SESTD1: variants seen among roughly 807,000 people sequenced by gnomAD.
SESTD1 encodes SEC14 domain and spectrin repeat-containing protein 1.
SESTD1 carries 43 observed loss-of-function variants against 101.7 expected under a neutral mutation model. That is an observed-to-expected ratio of 0.42 (90% CI 0.33 to 0.55). The LOEUF (loss-of-function observed/expected upper bound fraction) is 0.55. SESTD1 is among the 20% of genes least tolerant of loss of function. SESTD1 has a pLI of 0.07. For synonymous variants in SESTD1, 283 were observed against 286.8 expected, an observed-to-expected ratio of 0.99 and a Z score of 0.13; for missense variants, 647 against 815.1, an observed-to-expected ratio of 0.79 and a Z score of 2.51.
chr2:179,124,415 A>G lies in SESTD1; in HGVS notation c.1116T>C (p.Phe372=), dbSNP rs758971747. 6 of 1,613,998 alleles carry G rather than the reference A, an allele frequency of 3.7e-6. No homozygotes were observed. Among genetic ancestry groups the G allele is most frequent in the East Asian group, 4.5e-5 (2 of 44,880 alleles). The part of the protein sequence containing the change: ...VCYRQASQLE[F]RQNLLQAALE... The stretch of plus-strand genomic sequence containing the variant: ...GAGCTGCTTGTAAGAGATTTTGCCT[A>G]AATTCCAGCTGACTGGCCTGTCGAT... The change falls in exon 11 of 18, where the codon TTT becomes TTC. Residue 372 remains phenylalanine (F), a synonymous_variant. Coordinates refer to ENST00000428443, the MANE Select transcript of SESTD1 (RefSeq NM_178123.5).
intron 1 of SESTD1, among the ~76,000 whole-genome samples, chr2:179,251,416 T>C (rs1380470885): frequency 1.3e-5 from 2 of 152,164 alleles, no homozygotes; most frequent in African/African-American, 2.4e-5. Flanking sequence ...AATGGTCACA[T>C]AGGGGTGGAT....
At chr2:179,242,531 A>G (rs2047169899) in intron 1 of SESTD1, among the ~76,000 whole-genome samples, 1 of 152,246 alleles carries the variant, frequency 6.6e-6, no homozygotes, top group Non-Finnish European at 1.5e-5. Context: ...AAAAGAACAA[A>G]GCCAGAGGTA....
chr2:179,205,197 CTT>C (rs562590131), intron 1 of SESTD1, among the ~76,000 whole-genome samples: 30 of 114,874 alleles, frequency 2.6e-4, no homozygotes, highest in Non-Finnish European at 2.9e-4. Context: ...ACACTTAAGG[CTT>C]TTTTTTTTTT....
At chr2:179,259,434 T>G (rs2047448902) in intron 1 of SESTD1, among the ~76,000 whole-genome samples, 1 of 152,168 alleles carries the variant, frequency 6.6e-6, no homozygotes, top group African/African-American at 2.4e-5. Flanking sequence ...TTCACCATCT[T>G]GGCCAGGCTG....
intron 1 of SESTD1, among the ~76,000 whole-genome samples, chr2:179,223,667 T>C (rs577897925): frequency 6.6e-6 from 1 of 152,290 alleles, no homozygotes; most frequent in South Asian, 2.1e-4. Context: ...AAACTTCACT[T>C]TGGCAAAGAC....
chr2:179,236,519 A>G (rs1574057546), intron 1 of SESTD1, among the ~76,000 whole-genome samples: 1 of 152,008 alleles, frequency 6.6e-6, no homozygotes, highest in Admixed American at 6.6e-5. Context: ...TTTTTAAATT[A>G]TATGTACATA....
At chr2:179,157,611 C>T (rs2045656299) in intron 5 of SESTD1, among the ~76,000 whole-genome samples, 1 of 152,058 alleles carries the variant, frequency 6.6e-6, no homozygotes, top group Non-Finnish European at 1.5e-5. Flanking sequence ...TTCCATTGGT[C>T]TATGTGACTA....
intron 1 of SESTD1, among the ~76,000 whole-genome samples, chr2:179,214,785 T>A (rs1199981603): frequency 7.4e-6 from 1 of 135,150 alleles, no homozygotes; most frequent in East Asian, 2.0e-4. Flanking sequence ...CACAACAAAC[T>A]GTCTCTCAGA....
At chr2:179,120,369 T>A (rs918902118) in intron 13 of SESTD1, among the ~76,000 whole-genome samples, 5 of 152,200 alleles carry the variant, frequency 3.3e-5, no homozygotes, top group East Asian at 1.9e-4. Flanking sequence ...GAATTATGGG[T>A]CTACAGCACG....
intron 1 of SESTD1, among the ~76,000 whole-genome samples, chr2:179,198,063 C>G (rs1331245683): frequency 6.6e-6 from 1 of 151,984 alleles, no homozygotes; most frequent in Non-Finnish European, 1.5e-5. Flanking sequence ...TTCAGGAAAC[C>G]CACCTCACAT....
At chr2:179,141,498 T>C (rs999607879) in intron 9 of SESTD1, among the ~76,000 whole-genome samples, 7 of 150,670 alleles carry the variant, frequency 4.6e-5, no homozygotes, top group African/African-American at 1.7e-4. Context: ...TGTCATACTA[T>C]TGTAGACATT....
intron 2 of SESTD1, among the ~76,000 whole-genome samples, chr2:179,186,201 A>G (rs1459527546): frequency 6.6e-6 from 1 of 151,934 alleles, no homozygotes; most frequent in East Asian, 1.9e-4. Flanking sequence ...AGAAAGCAAG[A>G]TAATGCAGTC....
chr2:179,184,912 T>TA (rs2046184475), intron 2 of SESTD1, among the ~76,000 whole-genome samples: 1 of 152,020 alleles, frequency 6.6e-6, no homozygotes, highest in Non-Finnish European at 1.5e-5. Context: ...ATCACCAGTG[T>TA]AAAAGTACCA....
chr2:179,184,638 T>C (rs1322238428), intron 2 of SESTD1, among the ~76,000 whole-genome samples: 2 of 152,120 alleles, frequency 1.3e-5, no homozygotes, highest in Non-Finnish European at 2.9e-5. Context: ...AAAAATTTTC[T>C]CTATTACTAA....
At chr2:179,221,979 T>A (rs2046822295) in intron 1 of SESTD1, among the ~76,000 whole-genome samples, 1 of 152,176 alleles carries the variant, frequency 6.6e-6, no homozygotes, top group African/African-American at 2.4e-5. Context: ...GTAAAACTAC[T>A]GAAACAATAG....
intron 7 of SESTD1, 64 bp downstream of exon 7, chr2:179,149,233 G>T: frequency 8.7e-7 from 1 of 1,151,196 alleles, no homozygotes; most frequent in South Asian, 1.4e-5. Flanking sequence ...TAACAATAGA[G>T]ATATCTTTTA....
At chr2:179,230,798 C>CA (rs2046977035) in intron 1 of SESTD1, among the ~76,000 whole-genome samples, 1 of 151,238 alleles carries the variant, frequency 6.6e-6, no homozygotes. Flanking sequence ...TTTGCAGAAA[C>CA]AAAAAAAATC....
At chr2:179,178,609 G>C (rs2046052839) in intron 3 of SESTD1, among the ~76,000 whole-genome samples, 1 of 152,132 alleles carries the variant, frequency 6.6e-6, no homozygotes, top group African/African-American at 2.4e-5. Flanking sequence ...GAGGATACAA[G>C]CCCAAGAGTG....
At chr2:179,203,871 A>G (rs1427856831) in intron 1 of SESTD1, among the ~76,000 whole-genome samples, 1 of 134,286 alleles carries the variant, frequency 7.4e-6, no homozygotes, top group Non-Finnish European at 1.6e-5. Flanking sequence ...AGTTGAGTCC[A>G]GCCTGGGCAA....
Sources: allele counts gnomAD v4.1 joint callset (sites outside exome capture counted in the v4.1 genomes callset), GRCh38; gene constraint gnomAD v4.1.1; transcripts MANE v1.5; gene names NCBI Gene and HGNC (gene_info 2026-07-23, HGNC 2026-07-21).